BPIFC: variants seen among roughly 807,000 people sequenced by gnomAD.
BPIFC encodes the protein BPI fold-containing family C protein.
In BPIFC, 60 loss-of-function variants were observed where a neutral mutation model predicts 57.6. That is an observed-to-expected ratio of 1.04 (90% confidence interval 0.85 to 1.29). BPIFC has a LOEUF of 1.29. BPIFC is among the 50% of genes most tolerant of loss of function. The pLI, the probability that BPIFC is intolerant of heterozygous loss-of-function variation, is 0.00. For missense variants in BPIFC, 581 were observed against 600.5 expected (o/e 0.97, Z 0.34); for synonymous variants, 243 against 224.5 (o/e 1.08, Z -0.74).
At chr22:32,424,176 A>T (rs1194959343) in intron 13 of BPIFC, among the ~76,000 whole-genome samples, 1 of 152,126 alleles carries the variant, frequency 6.6e-6, no homozygotes, top group Non-Finnish European at 1.5e-5. Flanking sequence ...TGTTTTGCTA[A>T]TGAGGAAACT....
At chr22:32,446,629 A>G (rs985806047) in intron 5 of BPIFC, 6 of 422,224 alleles carry the variant, frequency 1.4e-5, no homozygotes, top group African/African-American at 1.3e-4. Flanking sequence ...TGACTGACTT[A>G]GTGGAAGAAT....
intron 13 of BPIFC, among the ~76,000 whole-genome samples, chr22:32,422,236 G>T (rs1933869290): frequency 6.6e-6 from 1 of 152,190 alleles, no homozygotes; most frequent in Admixed American, 6.5e-5. Flanking sequence ...AGGTTACCCA[G>T]GTGCTCATTC....
chr22:32,457,166 T>G (rs867626685), intron 3 of BPIFC, 97 bp downstream of exon 3: 1 of 1,402,744 alleles, frequency 7.1e-7, no homozygotes. Flanking sequence ...ACGGCGTTTC[T>G]CAGTCAGGAG....
intron 2 of BPIFC, among the ~76,000 whole-genome samples, chr22:32,459,549 G>T (rs1441944923): frequency 6.6e-6 from 1 of 152,094 alleles, no homozygotes; most frequent in Non-Finnish European, 1.5e-5. Flanking sequence ...TGTAGTCCCA[G>T]CTACTCGGGA....
intron 4 of BPIFC, among the ~76,000 whole-genome samples, chr22:32,452,495 C>T (rs544748167): frequency 5.9e-5 from 9 of 151,954 alleles, no homozygotes; most frequent in East Asian, 2.0e-4. Flanking sequence ...AAAAATTAGC[C>T]GGGCGTGGTG....
At position 32,426,057 on chromosome 22, in the gene BPIFC, C is replaced by G. The variant is rs1373828872; in HGVS notation, c.1217+5290G>C. ...CAAAGCCTGTGATCCTACAGTCTGT[C>G]TAGACCACCAACACGGGGTTTGTCT... On this transcript the variant is annotated intron_variant, in intron 13 of 16. Transcript: ENST00000300399. Among the ~76,000 whole-genome samples, 3 of 152,214 alleles carry G rather than the reference C, an allele frequency of 2.0e-5. No homozygotes were observed. In the East Asian group the frequency reaches 5.8e-4, roughly 29 times the overall value.
rs185602725 is a variant in BPIFC at position 32,448,668 on chromosome 22, G to A, written c.246-1328C>T. Among the ~76,000 whole-genome samples the A allele has an allele frequency of 1.5e-4, 23 of 152,098 alleles. No individual in the cohort carries two copies. In the East Asian group the frequency reaches 2.3e-3, roughly 16 times the overall value. On this transcript the variant is annotated intron_variant, in intron 4 of 16. Coordinates refer to ENST00000300399, the MANE Select transcript of BPIFC (RefSeq NM_174932.3). ...GAAATTATTATGAACAGCTGGGCGC[G>A]GTGGCTCACGCCTGTAATCCCAGCA...
chr22:32,435,403 T>G (rs1431273918), intron 10 of BPIFC, among the ~76,000 whole-genome samples: 2 of 152,160 alleles, frequency 1.3e-5, no homozygotes, highest in Non-Finnish European at 2.9e-5. Context: ...ATTGGAGCAT[T>G]TTAGATTTTG....
intron 10 of BPIFC, among the ~76,000 whole-genome samples, chr22:32,435,104 G>A (rs1934352936): frequency 6.6e-6 from 1 of 152,158 alleles, no homozygotes. Context: ...AACTCTATGA[G>A]TAAGGAACTA....
At chr22:32,460,223 T>A (rs1421916502) in intron 2 of BPIFC, among the ~76,000 whole-genome samples, 1 of 152,158 alleles carries the variant, frequency 6.6e-6, no homozygotes, top group Non-Finnish European at 1.5e-5. Context: ...GGCGCCCCTC[T>A]GGAGAGATGC....
In BPIFC at chr22:32,438,541, A is replaced by G. The variant is rs529369775; in HGVS notation, c.656-690T>C. Among the ~76,000 whole-genome samples the G allele has an allele frequency of 2.6e-5, 4 of 152,196 alleles. No individual in the cohort carries two copies. In the South Asian group the frequency reaches 8.3e-4, roughly 32 times the overall value. ...CTAGTAGCTGAGATTACAGGCACCC[A>G]CCACCACACATGGCTAATTTTTGTA... On this transcript the variant is annotated intron_variant, in intron 8 of 16. Coordinates refer to ENST00000300399, the MANE Select transcript of BPIFC (RefSeq NM_174932.3).
chr22:32,416,300 C>G (rs1385027572), intron 15 of BPIFC, among the ~76,000 whole-genome samples: 1 of 152,118 alleles, frequency 6.6e-6, no homozygotes, highest in Non-Finnish European at 1.5e-5. Context: ...CCAGGCGTGT[C>G]TCGAACTCCT....
At chr22:32,426,899 AAAAAG>A (rs1179001278) in intron 13 of BPIFC, among the ~76,000 whole-genome samples, 4 of 121,678 alleles carry the variant, frequency 3.3e-5, no homozygotes, top group East Asian at 2.6e-4. Flanking sequence ...CTGAAAAAAA[AAAAAG>A]AAAGAAAGAA....
rs199690351 is a variant in BPIFC, at chr22:32,453,365, G to A, written c.245+18C>T. 12 of 1,549,860 alleles carry A rather than the reference G, an allele frequency of 7.7e-6. No individual in the cohort carries two copies. In the East Asian group the frequency reaches 2.0e-4, roughly 26 times the overall value. Reference sequence around the variant, plus strand: ...TTGAGCTTCTTATAAGAGGCAAAATGCTCTTCTTTTTACTTACTTTGAAAA... The same window carrying A: ...TTGAGCTTCTTATAAGAGGCAAAATACTCTTCTTTTTACTTACTTTGAAAA... On this transcript the variant is annotated intron_variant, in intron 4 of 16. Transcript: ENST00000300399.
At chr22:32,436,380 G>A (rs1184024656) in intron 9 of BPIFC, among the ~76,000 whole-genome samples, 13 of 36,840 alleles carry the variant, frequency 3.5e-4, no homozygotes, top group South Asian at 7.0e-3. Flanking sequence ...GGAGGAGGAA[G>A]AGGAGGAGGA....
At chr22:32,440,237 G>A (rs1161299432) in intron 8 of BPIFC, among the ~76,000 whole-genome samples, 3 of 152,230 alleles carry the variant, frequency 2.0e-5, no homozygotes, top group South Asian at 4.1e-4. Flanking sequence ...CTGGGCTCAA[G>A]TAATCCTCCT....
At chr22:32,416,166 A>G (rs58967861) in intron 15 of BPIFC, among the ~76,000 whole-genome samples, 175 bp from the exon 16 acceptor site, 5,281 of 144,752 alleles carry the variant, frequency 0.036, 290 homozygotes, top group African/African-American at 0.13. Context: ...TGCAACCTCC[A>G]CCTCCCAGGT....
chr22:32,424,710 CTTCTTCCTCTTCTTCTTCCTCT>C, intron 13 of BPIFC, among the ~76,000 whole-genome samples: 5 of 100,956 alleles, frequency 5.0e-5, no homozygotes, highest in Admixed American at 2.1e-4. Flanking sequence ...TCTTCCTCTT[CTTCTTCCTCTTCTTCTTCCTCT>C]TCTTCTTCCT....
chr22:32,439,852 C>A (rs1934516502), intron 8 of BPIFC, among the ~76,000 whole-genome samples: 1 of 152,086 alleles, frequency 6.6e-6, no homozygotes, highest in East Asian at 1.9e-4. Context: ...TGACCTCAAG[C>A]GAGTTGCTCG....
Sources: gnomAD v4.1 joint callset for allele counts (sites outside exome capture counted in the v4.1 genomes callset) on GRCh38, gnomAD v4.1.1 for gene constraint, MANE v1.5 for transcripts, NCBI Gene and HGNC (gene_info 2026-07-23, HGNC 2026-07-21) for gene names.